CDH23: variants seen among roughly 807,000 people sequenced by gnomAD.
The protein encoded by CDH23 is cadherin-23.
CDH23 carries 189 observed loss-of-function variants against 317.1 expected under a neutral mutation model. That is an observed-to-expected ratio of 0.60 (90% CI 0.53 to 0.67). CDH23 has a LOEUF of 0.67. CDH23 is among the 30% of genes least tolerant of loss of function. CDH23 has a pLI of 0.00. For synonymous variants in CDH23, 1,839 were observed against 1,876.8 expected (o/e 0.98, Z 0.52); for missense variants, 4,401 against 4,592.4 (o/e 0.96, Z 1.20).
At position 71,673,620 on chromosome 10, in the gene CDH23, C is replaced by G. The variant is rs1589318992; in HGVS notation, c.1450-1492C>G. Among the ~76,000 whole-genome samples, 6 of 152,306 alleles carry G rather than the reference C, an allele frequency of 3.9e-5. 1 individual carries two copies. The highest frequency in any genetic ancestry group is 3.9e-4 in the Admixed American group (6 of 15,306). ...CTCAGAGGCAATCACTGATGGAGGG[C>G]AAGGGCATGGCTAGGTGGCACAGGA... On this transcript the variant is annotated intron_variant, in intron 14 of 69. Coordinates refer to ENST00000224721, the MANE Select transcript of CDH23 (RefSeq NM_022124.6).
At chr10:71,710,497 G>A (rs1274686413) in intron 27 of CDH23, among the ~76,000 whole-genome samples, 1 of 152,242 alleles carries the variant, frequency 6.6e-6, no homozygotes, top group East Asian at 1.9e-4. Context: ...GGGCCTGCTG[G>A]TGAGGTGGAT....
intron 14 of CDH23, among the ~76,000 whole-genome samples, chr10:71,670,682 G>A (rs529980462): frequency 6.6e-6 from 1 of 152,294 alleles, no homozygotes; most frequent in Admixed American, 6.5e-5. Context: ...CCAGACTGTG[G>A]ACACTAGGGT....
chr10:71,559,076 C>T (rs1857002079), intron 6 of CDH23, among the ~76,000 whole-genome samples: 1 of 152,210 alleles, frequency 6.6e-6, no homozygotes, highest in African/African-American at 2.4e-5. Context: ...CCATTCCCTC[C>T]CACTCAGCAT....
At chr10:71,424,800 A>T (rs1016318228) in intron 1 of CDH23, among the ~76,000 whole-genome samples, 1 of 152,244 alleles carries the variant, frequency 6.6e-6, no homozygotes, top group South Asian at 2.1e-4. Context: ...GCTGCACCAC[A>T]CTAGGCTCAA....
In CDH23 at chr10:71,806,012, C is replaced by T. The variant is rs1214455656; in HGVS notation, c.8064+15C>T. ...CGGTGTACAGCGTAAGGGCGGGGCC[C>T]GGTGCGAGGGGCGGGGTCTGGGGCG... On this transcript the variant is annotated intron_variant, in intron 56 of 69. Coordinates refer to ENST00000224721, the MANE Select transcript of CDH23 (RefSeq NM_022124.6). 3.8e-6 allele frequency: 2 copies of T among 525,780 alleles called. No individual in the cohort carries two copies. The highest frequency in any genetic ancestry group is 3.2e-5 in the South Asian group (2 of 63,204). The allele number at this position is 525,780 out of a possible 1,614,324, so 32.6% of individuals were successfully genotyped here. A position where few individuals can be genotyped will look rare whatever the true frequency, so the allele number is the denominator to read the frequency against.
At chr10:71,619,405 C>A (rs1861357468) in intron 11 of CDH23, among the ~76,000 whole-genome samples, 2 of 152,070 alleles carry the variant, frequency 1.3e-5, no homozygotes, top group Non-Finnish European at 2.9e-5. Context: ...AAAACAAGTT[C>A]TAATATGTTC....
intron 24 of CDH23, 113 bp from the exon 25 acceptor site, chr10:71,704,798 G>A: frequency 1.2e-6 from 1 of 826,608 alleles, no homozygotes; most frequent in South Asian, 1.6e-5. Flanking sequence ...GGGAGCAGAT[G>A]TGTCTAGCTG....
chr10:71,806,235 C>T lies in CDH23; in HGVS notation c.8132C>T (p.Ala2711Val), dbSNP rs1841716744. Residue 2711 changes from alanine (A) to valine (V), a missense_variant, in exon 57 of 70, where the codon GCC becomes GTC. This residue lies in a region of CDH23 where 1,144 missense variants were observed against 1,138.2 expected (regional missense o/e 1.01). Coordinates refer to ENST00000224721, the MANE Select transcript of CDH23 (RefSeq NM_022124.6). Reference sequence around the variant, plus strand: ...GAGACTATGCAGCCGCTGCAGGTGGCCCTGGAGGACATCGATGACAACGAA... The same window carrying T: ...GAGACTATGCAGCCGCTGCAGGTGGTCCTGGAGGACATCGATGACAACGAA... Reference protein sequence around the residue: ...PYETMQPLQVALEDIDDNEPL... With the variant: ...PYETMQPLQVVLEDIDDNEPL... The T allele has an allele frequency of 6.3e-7, 1 of 1,575,850 alleles. No individual in the cohort carries two copies. The highest frequency in any genetic ancestry group is 8.6e-7 in the Non-Finnish European group (1 of 1,160,874).
chr10:71,688,567 C>T (rs1279320903), intron 19 of CDH23, among the ~76,000 whole-genome samples: 4 of 142,774 alleles, frequency 2.8e-5, no homozygotes, highest in African/African-American at 1.1e-4. Flanking sequence ...ATGGTGGAGC[C>T]AGGGGTTGTG....
At position 71,751,160 on chromosome 10, in the gene CDH23, G is replaced by A. The variant is rs1347199015; in HGVS notation, c.4845+9239G>A. On this transcript the variant is annotated intron_variant, in intron 38 of 69. Transcript: ENST00000224721. This position sits in a 1 kb window ranked among gnomAD's most constrained non-coding sequence, Gnocchi z 4.9. ...CCAGAGCAGGAGGGAGGGAACCAGG[G>A]CCGAGGCCAAGGAGGCCACTCACAG... 1.4e-6 allele frequency: 2 copies of A among 1,434,762 alleles called. No individual in the cohort carries two copies. Among genetic ancestry groups the A allele is most frequent in the East Asian group, 2.5e-5 (1 of 40,414 alleles). The allele number at this position is 1,434,762 out of a possible 1,614,324, so 88.9% of individuals were successfully genotyped here.
chr10:71,738,466 G>A (rs372605488), intron 34 of CDH23, 32 bp from the exon 35 acceptor site: 106 of 1,613,694 alleles, frequency 6.6e-5, no homozygotes, highest in Non-Finnish European at 8.8e-5. Flanking sequence ...AGGGGAAGGA[G>A]GCTGTAGGTC....
chr10:71,690,696 C>T, intron 20 of CDH23, 112 bp downstream of exon 20: 2 of 714,864 alleles, frequency 2.8e-6, no homozygotes, highest in South Asian at 1.6e-5. Context: ...CAGTTTTGAG[C>T]AGACCAGCTT....
At chr10:71,711,240 T>A (rs1164132165) in intron 27 of CDH23, among the ~76,000 whole-genome samples, 8 of 151,894 alleles carry the variant, frequency 5.3e-5, no homozygotes, top group Non-Finnish European at 1.2e-4. Context: ...CTAGGGAGCC[T>A]CCCACACACA....
Position 71,756,542 on chromosome 10 carries a change from T to C in CDH23, c.4845+14621T>C, listed in dbSNP as rs1840152703. On this transcript the variant is annotated intron_variant, in intron 38 of 69. Coordinates refer to ENST00000224721, the MANE Select transcript of CDH23 (RefSeq NM_022124.6). ...GGTCAAAGTGCTGAGCCAAAGAGTA[T>C]GTGCATTTTCTTTTAGGCTATTGCT... 2.6e-5 allele frequency among the ~76,000 whole-genome samples: 4 copies of C among 152,204 alleles called. No individual in the cohort carries two copies. The South Asian group carries it at 8.3e-4, about 32-fold the overall frequency.
rs1282525042 is a variant in CDH23 at position 71,788,026 on chromosome 10, T to C, written c.5821-914T>C. ...CCACCAGCAGTGTATGAGCATTCCC[T>C]TTTCTCTGCATCCTCACCAGTGTCT... On this transcript the variant is annotated intron_variant, in intron 44 of 69. Coordinates refer to ENST00000224721, the MANE Select transcript of CDH23 (RefSeq NM_022124.6). Among the ~76,000 whole-genome samples the C allele has an allele frequency of 2.6e-5, 4 of 152,214 alleles. No homozygotes were observed. In the East Asian group the frequency reaches 7.7e-4, roughly 29 times the overall value.
At chr10:71,478,264 C>T (rs1056198189) in intron 3 of CDH23, among the ~76,000 whole-genome samples, 4 of 152,198 alleles carry the variant, frequency 2.6e-5, no homozygotes, top group South Asian at 2.1e-4. Context: ...AGCTTCTCAC[C>T]GTCATCTCTT....
chr10:71,738,158 A>G (rs960988480), intron 34 of CDH23, among the ~76,000 whole-genome samples: 5 of 152,212 alleles, frequency 3.3e-5, no homozygotes, highest in Admixed American at 6.5e-5. Context: ...CTCATGCTAG[A>G]CCAGCATTCC....
Position 71,734,237 on chromosome 10 carries a change from C to T in CDH23, c.4105-3C>T. The T allele has an allele frequency of 2.5e-6, 4 of 1,606,198 alleles. No individual in the cohort carries two copies. Among genetic ancestry groups the T allele is most frequent in the East Asian group, 2.2e-5 (1 of 44,560 alleles). ...ACTCACCCATCTGGCCCCTTCCCTG[C>T]AGGGTGTGATCACAGTCCAGGGCCT... On this transcript the variant is annotated splice_region_variant and splice_polypyrimidine_tract_variant and intron_variant, in intron 32 of 69. Transcript: ENST00000224721.
At chr10:71,453,583 T>TG (rs1156910291) in intron 3 of CDH23, among the ~76,000 whole-genome samples, 1 of 152,250 alleles carries the variant, frequency 6.6e-6, no homozygotes, top group African/African-American at 2.4e-5. Flanking sequence ...GTTTCAGCCC[T>TG]GGTGCTCCAG....
Sources: allele counts gnomAD v4.1 joint callset (sites outside exome capture counted in the v4.1 genomes callset), GRCh38; gene constraint gnomAD v4.1.1; regional missense constraint gnomAD v4.1.1; non-coding constraint Gnocchi (gnomAD v3.1); transcripts MANE v1.5; gene names NCBI Gene and HGNC (gene_info 2026-07-23, HGNC 2026-07-21).